TMTC1: variants seen among roughly 807,000 people sequenced by gnomAD.
The protein encoded by TMTC1 is transmembrane O-mannosyltransferase targeting cadherins 1.
In TMTC1, 73 loss-of-function variants were observed where a neutral mutation model predicts 104.8. The observed-to-expected ratio is 0.70, with a 90% CI of 0.58 to 0.85. The LOEUF (loss-of-function observed/expected upper bound fraction) is 0.85. TMTC1 is among the 40% of genes least tolerant of loss of function. The pLI is 0.00. For synonymous variants in TMTC1, 434 were observed against 428.7 expected, an observed-to-expected ratio of 1.01 and a Z score of -0.15; for missense variants, 1,035 against 1,096.1, an observed-to-expected ratio of 0.94 and a Z score of 0.79.
chr12:29,721,474 G>T (rs1476982481), intron 5 of TMTC1, among the ~76,000 whole-genome samples: 1 of 152,018 alleles, frequency 6.6e-6, no homozygotes, highest in Non-Finnish European at 1.5e-5. Flanking sequence ...CTAGAGAAAA[G>T]GTTCTAATCA....
intron 1 of TMTC1, among the ~76,000 whole-genome samples, chr12:29,776,723 G>A (rs998893078): frequency 3.2e-5 from 3 of 92,538 alleles, no homozygotes; most frequent in Admixed American, 2.9e-4. Flanking sequence ...AGGAAATAAG[G>A]GTAAAAAAAC....
At chr12:29,675,550 A>G (rs10843474) in intron 5 of TMTC1, among the ~76,000 whole-genome samples, 11,175 of 151,986 alleles carry the variant, frequency 0.074, 619 homozygotes, top group Admixed American at 0.18. Flanking sequence ...AAAGTCAAAG[A>G]AAAAAGTGGT....
chr12:29,577,649 T>C (rs1173122694), intron 8 of TMTC1, among the ~76,000 whole-genome samples: 2 of 152,160 alleles, frequency 1.3e-5, no homozygotes, highest in African/African-American at 4.8e-5. Context: ...GGTCCAGTCA[T>C]AAGTGACAGT....
intron 5 of TMTC1, among the ~76,000 whole-genome samples, chr12:29,714,973 C>T (rs1352355321): frequency 6.6e-6 from 1 of 152,196 alleles, no homozygotes; most frequent in East Asian, 1.9e-4. Context: ...TTAGCCCTTA[C>T]TTTTTCTCTT....
At chr12:29,640,211 G>A (rs1409874867) in intron 5 of TMTC1, among the ~76,000 whole-genome samples, 1 of 152,178 alleles carries the variant, frequency 6.6e-6, no homozygotes, top group African/African-American at 2.4e-5. Flanking sequence ...GGCTTACAAG[G>A]ATGAATGGTC....
rs755974256 is a variant in TMTC1, at chr12:29,514,494, G to C, written c.2418C>G (p.Asp806Glu). Residue 806 changes from aspartate to glutamate, a missense_variant, in exon 16 of 18, where the codon GAC (aspartate) becomes GAG (glutamate). Physicochemically the swap from Asp to Glu is conservative, Grantham distance 45. Coordinates refer to ENST00000539277, the MANE Select transcript of TMTC1 (RefSeq NM_001193451.2). ...GATGAGTTTATACCTCAAAAGCTTT[G>C]TCGAGAAGGTTCTGCTCTCTTAATT... ...GNQLREQNLL[D>E]KAFESYRVAV... is the part of the protein sequence containing the mutation. 2.4e-5 allele frequency: 38 copies of C among 1,612,422 alleles called. No individual in the cohort carries two copies. The highest frequency in any genetic ancestry group is 5.5e-5 in the South Asian group (5 of 90,850).
chr12:29,561,131 G>A (rs1432714298), intron 9 of TMTC1, among the ~76,000 whole-genome samples: 7 of 151,480 alleles, frequency 4.6e-5, no homozygotes, highest in African/African-American at 1.7e-4. Flanking sequence ...GCTGCAGGGC[G>A]CTATGATGGT....
intron 5 of TMTC1, among the ~76,000 whole-genome samples, chr12:29,690,363 G>A (rs1941230918): frequency 6.6e-6 from 1 of 152,142 alleles, no homozygotes; most frequent in Non-Finnish European, 1.5e-5. Context: ...TATGTGAGAT[G>A]GGAATCTCAA....
chr12:29,605,746 G>A (rs139737604), intron 6 of TMTC1, among the ~76,000 whole-genome samples: 48 of 151,964 alleles, frequency 3.2e-4, no homozygotes, highest in Admixed American at 1.4e-3. Flanking sequence ...GGGTACATGC[G>A]CAGGTTTACT....
chr12:29,714,308 C>A (rs1942017528), intron 5 of TMTC1, among the ~76,000 whole-genome samples: 1 of 152,200 alleles, frequency 6.6e-6, no homozygotes, highest in African/African-American at 2.4e-5. Context: ...TGTTCTTTGA[C>A]GTGCAGCAGA....
At chr12:29,571,388 C>T (rs1466966550) in intron 9 of TMTC1, among the ~76,000 whole-genome samples, 4 of 151,862 alleles carry the variant, frequency 2.6e-5, no homozygotes, top group African/African-American at 9.7e-5. Context: ...CGGAAGTACC[C>T]AACCAGCAAC....
chr12:29,531,982 T>C (rs901287202), intron 11 of TMTC1, among the ~76,000 whole-genome samples: 3 of 152,336 alleles, frequency 2.0e-5, no homozygotes, highest in African/African-American at 2.4e-5. Context: ...GTCAAGGTCC[T>C]GCTGCAAGTT....
chr12:29,738,673 A>T (rs922907512), intron 5 of TMTC1, among the ~76,000 whole-genome samples: 1 of 152,250 alleles, frequency 6.6e-6, no homozygotes, highest in Admixed American at 6.5e-5. Context: ...TTAGTCAGAA[A>T]CCGGAAATCA....
chr12:29,718,252 C>T (rs1010174339), intron 5 of TMTC1, among the ~76,000 whole-genome samples: 30 of 152,176 alleles, frequency 2.0e-4, no homozygotes, highest in African/African-American at 7.2e-4. Context: ...GAAAAGTTTC[C>T]TGTTTTTTGT....
At chr12:29,639,429 T>C (rs1036676812) in intron 5 of TMTC1, among the ~76,000 whole-genome samples, 3 of 152,122 alleles carry the variant, frequency 2.0e-5, no homozygotes, top group Admixed American at 6.6e-5. Flanking sequence ...GGATTAGACA[T>C]GTATAATATA....
upstream of TMTC1, chr12:29,784,369 A>ATG (rs1943909912): frequency 1.3e-5 from 2 of 152,164 alleles, no homozygotes; most frequent in Non-Finnish European, 2.9e-5. Flanking sequence ...CACCCGGGAC[A>ATG]ACAGCAGCGG....
intron 5 of TMTC1, among the ~76,000 whole-genome samples, chr12:29,676,928 TGTCCTCCTATAATATGATTTGA>T (rs1940748279): frequency 6.6e-6 from 1 of 152,204 alleles, no homozygotes; most frequent in Non-Finnish European, 1.5e-5. Context: ...AAAAACATCC[TGTCCTCCTATAATATGATTTGA>T]GGGCCAAAAT....
Position 29,750,397 on chromosome 12 carries a change from GTTGATTATTTAT to G in TMTC1, c.938+1257_938+1268del, listed in dbSNP as rs565989805. ...TGAGCACTCACATTGTTCAGTCAGT[GTTGATTATTTAT>G]TGTCTACCTTCCTCTACTAGAAGAA... On this transcript the variant is annotated intron_variant, in intron 5 of 17. Transcript: ENST00000539277. Among the ~76,000 whole-genome samples the G allele has an allele frequency of 8.5e-5, 13 of 152,172 alleles. No individual in the cohort carries two copies. In the South Asian group the frequency reaches 1.9e-3, roughly 22 times the overall value.
rs1468391613 is a variant in TMTC1, at chr12:29,503,536, A to G, written c.*3310T>C. On this transcript the variant is annotated 3_prime_UTR_variant, in exon 18 of 18. Coordinates refer to ENST00000539277, the MANE Select transcript of TMTC1 (RefSeq NM_001193451.2). ...CAAGGAGAACTGATTCTAGGCACAAAAAAAAGGAGAGGTTAGATGGACTGG... is the reference window on the plus strand; with the variant it reads ...CAAGGAGAACTGATTCTAGGCACAAGAAAAAGGAGAGGTTAGATGGACTGG... 1.3e-5 allele frequency: 2 copies of G among 152,190 alleles called. No individual in the cohort carries two copies. Among genetic ancestry groups the G allele is most frequent in the East Asian group, 1.9e-4 (1 of 5,192 alleles). The allele number at this position is 152,190 out of a possible 1,614,324, so 9.4% of individuals were successfully genotyped here. A position where few individuals can be genotyped will look rare whatever the true frequency, so the allele number is the denominator to read the frequency against.
Sources: allele counts gnomAD v4.1 joint callset (sites outside exome capture counted in the v4.1 genomes callset), GRCh38; gene constraint gnomAD v4.1.1; transcripts MANE v1.5; gene names NCBI Gene and HGNC (gene_info 2026-07-23, HGNC 2026-07-21).